The following FANCM variants were observed in gnomAD, a reference collection of about 807,000 sequenced individuals.
The protein encoded by FANCM is FA complementation group M.
A neutral mutation model predicts 199.5 loss-of-function variants in FANCM; 140 were observed. That is an observed-to-expected ratio of 0.70 (90% confidence interval 0.61 to 0.81). The LOEUF (loss-of-function observed/expected upper bound fraction) is 0.81. Ranked by LOEUF, FANCM falls within the 30% of genes least tolerant of loss-of-function variation. FANCM has a pLI of 0.00. For synonymous variants in FANCM, 840 were observed against 836.8 expected, an observed-to-expected ratio of 1.00 and a Z score of -0.07; for missense variants, 2,410 against 2,421.4, an observed-to-expected ratio of 1.00 and a Z score of 0.10.
intron 20 of FANCM, among the ~76,000 whole-genome samples, chr14:45,193,094 T>C (rs968440273): frequency 6.6e-6 from 1 of 152,206 alleles, no homozygotes; most frequent in Non-Finnish European, 1.5e-5. Flanking sequence ...CCTTCCCTGT[T>C]TCCCCTATGG....
intron 8 of FANCM, among the ~76,000 whole-genome samples, chr14:45,157,647 G>A (rs958567879): frequency 6.6e-6 from 1 of 152,184 alleles, no homozygotes; most frequent in African/African-American, 2.4e-5. Context: ...TGTGATGAAA[G>A]TAGCAATTCA....
At chr14:45,183,190 A>T (rs1489202168) in intron 16 of FANCM, among the ~76,000 whole-genome samples, 1 of 152,218 alleles carries the variant, frequency 6.6e-6, no homozygotes, top group Non-Finnish European at 1.5e-5. Flanking sequence ...ATCAGAAATG[A>T]TTTAAAATAT....
intron 3 of FANCM, among the ~76,000 whole-genome samples, chr14:45,145,831 G>A (rs1047991644): frequency 1.3e-5 from 2 of 151,176 alleles, no homozygotes; most frequent in Non-Finnish European, 3.0e-5. Flanking sequence ...AGGCCGAGGC[G>A]GGCGGATCAC....
At chr14:45,160,909 G>T (rs550416269) in intron 9 of FANCM, among the ~76,000 whole-genome samples, 1 of 152,000 alleles carries the variant, frequency 6.6e-6, no homozygotes, top group Admixed American at 6.6e-5. Flanking sequence ...TGGATATGGT[G>T]GGGAGTGCCT....
chr14:45,172,570 T>C (rs755241654), intron 12 of FANCM, among the ~76,000 whole-genome samples: 5 of 152,182 alleles, frequency 3.3e-5, no homozygotes, highest in Non-Finnish European at 7.4e-5. Flanking sequence ...TAAACATAAA[T>C]TATGCTTTCA....
At chr14:45,150,260 C>T (rs1007494029) in intron 4 of FANCM, among the ~76,000 whole-genome samples, 4 of 152,044 alleles carry the variant, frequency 2.6e-5, no homozygotes, top group African/African-American at 9.7e-5. Context: ...TAAGATATGG[C>T]AAAGTCTTTT....
At chr14:45,180,315 C>G (rs1456167294) in intron 14 of FANCM, among the ~76,000 whole-genome samples, 4 of 152,128 alleles carry the variant, frequency 2.6e-5, no homozygotes, top group Admixed American at 2.6e-4. Context: ...TATCTGAGAG[C>G]TTGAATAGCT....
intron 8 of FANCM, 66 bp from the exon 9 acceptor site, chr14:45,159,030 T>C (rs1047613289): frequency 9.8e-7 from 1 of 1,019,688 alleles, no homozygotes; most frequent in Admixed American, 2.7e-5. Flanking sequence ...GGTTTGTCTT[T>C]TGAACTATTT....
At chr14:45,197,370 G>A (rs774873307) in intron 21 of FANCM, among the ~76,000 whole-genome samples, 1 of 152,148 alleles carries the variant, frequency 6.6e-6, no homozygotes, top group Non-Finnish European at 1.5e-5. Context: ...TAAAACATTG[G>A]TGTGGGAGTT....
In FANCM at chr14:45,181,622, A is replaced by T; in HGVS notation, c.4318-15A>T. ...TGAGACTTTTGTTGCCTTTTACTTT[A>T]TTTACTTACTTTAGGATCAGAAAAA... On this transcript the variant is annotated splice_polypyrimidine_tract_variant and intron_variant, in intron 15 of 22. Coordinates refer to ENST00000267430, the MANE Select transcript of FANCM (RefSeq NM_020937.4). The T allele has an allele frequency of 6.2e-7, 1 of 1,602,914 alleles. No individual in the cohort carries two copies. Among genetic ancestry groups the T allele is most frequent in the East Asian group, 2.2e-5 (1 of 44,668 alleles).
At chr14:45,170,104 C>T (rs1019885912) in intron 11 of FANCM, among the ~76,000 whole-genome samples, 3 of 152,108 alleles carry the variant, frequency 2.0e-5, no homozygotes, top group Non-Finnish European at 4.4e-5. Flanking sequence ...GAAAAGAGTC[C>T]AAAAGAAGCC....
Position 45,167,090 on chromosome 14 carries a change from A to C in FANCM, c.1929A>C (p.Thr643=), listed in dbSNP as rs940738932. The part of the protein sequence containing the change: ...INPKLHKMFI[T]HGVYEPEKPS... ...CAAAATTACACAAAATGTTCATCAC[A>C]CATGGTGTCTATGAACCAGAGAAGC... The change falls in exon 11 of 23, where the codon ACA becomes ACC. Residue 643 remains threonine, a synonymous_variant. Coordinates refer to ENST00000267430, the MANE Select transcript of FANCM (RefSeq NM_020937.4). 1.2e-6 allele frequency: 2 copies of C among 1,613,482 alleles called. No individual in the cohort carries two copies.
intron 11 of FANCM, among the ~76,000 whole-genome samples, chr14:45,168,953 G>A (rs923987279): frequency 4.7e-5 from 7 of 150,406 alleles, no homozygotes; most frequent in Middle Eastern, 3.2e-3. Context: ...AGACAGTCTC[G>A]TGTTGTCGCC....
chr14:45,164,063 G>T (rs1042044406), intron 9 of FANCM, among the ~76,000 whole-genome samples: 1 of 151,986 alleles, frequency 6.6e-6, no homozygotes, highest in Non-Finnish European at 1.5e-5. Context: ...CTCCTGCCTC[G>T]GTCTCCCAAG....
intron 16 of FANCM, among the ~76,000 whole-genome samples, chr14:45,182,213 C>T (rs1889116891): frequency 6.6e-6 from 1 of 152,012 alleles, no homozygotes; most frequent in Non-Finnish European, 1.5e-5. Context: ...CTGTATTTGG[C>T]AGTGAGGCCA....
In FANCM at chr14:45,185,307, A is replaced by G. The variant is rs375640203; in HGVS notation, c.4606A>G (p.Asn1536Asp). ...VSSDENDESE[N>D]EQDSSLLDFL... ...ATCAGATGAAAATGATGAGTCAGAAAATGAACAAGATTCCTCATTACTTGA... is the reference window on the plus strand; with the variant it reads ...ATCAGATGAAAATGATGAGTCAGAAGATGAACAAGATTCCTCATTACTTGA... Residue 1536 changes from asparagine (N) to aspartate (D), a missense_variant, in exon 18 of 23, where the codon AAT becomes GAT. Physicochemically the swap from Asn to Asp is conservative, Grantham distance 23. Coordinates refer to ENST00000267430, the MANE Select transcript of FANCM (RefSeq NM_020937.4). 29 of 1,598,010 alleles carry G rather than the reference A, an allele frequency of 1.8e-5. No individual in the cohort carries two copies. Among genetic ancestry groups the G allele is most frequent in the Middle Eastern group, 1.7e-4 (1 of 6,036 alleles).
Position 45,135,953 on chromosome 14 carries a change from C to A in FANCM, c.-79C>A, listed in dbSNP as rs934517646. The A allele has an allele frequency of 1.7e-5, 26 of 1,500,422 alleles. 1 individual carries two copies. Among genetic ancestry groups the A allele is most frequent in the Middle Eastern group, 2.2e-4 (1 of 4,550 alleles). The allele number at this position is 1,500,422 out of a possible 1,614,324, so 92.9% of individuals were successfully genotyped here. A position where few individuals can be genotyped will look rare whatever the true frequency, so the allele number is the denominator to read the frequency against. On this transcript the variant is annotated 5_prime_UTR_variant, in exon 1 of 23. Transcript: ENST00000267430. ...TTCCAGAGTTTTGTGCGAAGGAAAC[C>A]GATGGGGATCGGAACCGTAGCGGTT... is the stretch of plus-strand genomic sequence containing the variant.
chr14:45,146,666 T>TA (rs1016119800), intron 3 of FANCM, among the ~76,000 whole-genome samples: 4 of 150,074 alleles, frequency 2.7e-5, no homozygotes, highest in Admixed American at 6.6e-5. Context: ...CCGTCTCTAC[T>TA]AAAAAAAATA....
In FANCM at chr14:45,164,585, C is replaced by T. The variant is rs1489173843; in HGVS notation, c.1788+20C>T. On this transcript the variant is annotated intron_variant, in intron 10 of 22. Transcript: ENST00000267430. The stretch of plus-strand genomic sequence containing the variant: ...GAACGTGTAAGTAGAGCTGCAGAAA[C>T]ACAATTTGACACTTGAAATTTGAGA... The T allele has an allele frequency of 6.4e-7, 1 of 1,550,528 alleles. No homozygotes were observed. The highest frequency in any genetic ancestry group is 1.1e-5 in the South Asian group (1 of 87,926).
Sources: allele counts gnomAD v4.1 joint callset (sites outside exome capture counted in the v4.1 genomes callset), GRCh38; gene constraint gnomAD v4.1.1; transcripts MANE v1.5; gene names NCBI Gene and HGNC (gene_info 2026-07-23, HGNC 2026-07-21).